GALNT13: variants seen among roughly 807,000 people sequenced by gnomAD.
GALNT13 encodes the protein UDP-GalNAc:polypeptide N-acetylgalactosaminyltransferase 13.
GALNT13 carries 28 observed loss-of-function variants against 64.2 expected under a neutral mutation model. The observed-to-expected ratio is 0.44, with a 90% CI of 0.32 to 0.60. The LOEUF is 0.60. GALNT13 is among the 20% of genes least tolerant of loss of function. The probability of loss-of-function intolerance (pLI) is 0.05; values close to 1 mark genes in which losing one functional copy is unlikely to be tolerated. For synonymous variants in GALNT13, 214 were observed against 224.6 expected, an observed-to-expected ratio of 0.95 and a Z score of 0.42; for missense variants, 577 against 669.8, an observed-to-expected ratio of 0.86 and a Z score of 1.53.
intron 11 of GALNT13, among the ~76,000 whole-genome samples, chr2:154,414,195 T>C (rs1376399285): frequency 6.6e-6 from 1 of 152,078 alleles, no homozygotes; most frequent in Non-Finnish European, 1.5e-5. Context: ...TAAGGTATAC[T>C]AACAAATTGT....
chr2:153,423,889 A>G, the GALNT13 span, among the ~76,000 whole-genome samples: 2 of 151,620 alleles, frequency 1.3e-5, no homozygotes, highest in Non-Finnish European at 3.0e-5. Context: ...TATCATTTTT[A>G]TGAAGCATGA....
At chr2:153,783,084 G>A in the GALNT13 span, among the ~76,000 whole-genome samples, 1 of 152,162 alleles carries the variant, frequency 6.6e-6, no homozygotes, top group Non-Finnish European at 1.5e-5. Context: ...AGGTAGAAGT[G>A]AATTCATCCA....
the GALNT13 span, among the ~76,000 whole-genome samples, chr2:153,114,226 G>A: frequency 6.6e-6 from 1 of 151,996 alleles, no homozygotes; most frequent in African/African-American, 2.4e-5. Context: ...CCATGATCTC[G>A]CTTGAACGTA....
chr2:153,867,327 T>C (rs11885780), upstream of GALNT13, among the ~76,000 whole-genome samples: 980 of 152,288 alleles, frequency 6.4e-3, 11 homozygotes, highest in African/African-American at 0.022. Flanking sequence ...GCTACACTAC[T>C]TGGCTACTTC....
chr2:153,410,983 C>T, the GALNT13 span, among the ~76,000 whole-genome samples: 2 of 151,746 alleles, frequency 1.3e-5, no homozygotes, highest in African/African-American at 4.8e-5. Context: ...CATCCTCTCA[C>T]CTCCCTGAGT....
At position 154,343,338 on chromosome 2, in the gene GALNT13, T is replaced by C. The variant is rs886981884; in HGVS notation, c.1156+41749T>C. On this transcript the variant is annotated intron_variant, in intron 9 of 12. Transcript: ENST00000392825. ...GGGAACAACTTAGTAAATATATATATTTGCTTATTCATAAACTTGTTTTAA... is the reference window on the plus strand; with the variant it reads ...GGGAACAACTTAGTAAATATATATACTTGCTTATTCATAAACTTGTTTTAA... 6.6e-5 allele frequency among the ~76,000 whole-genome samples: 10 copies of C among 152,198 alleles called. No individual in the cohort carries two copies. In the East Asian group the frequency reaches 1.9e-3, roughly 29 times the overall value.
the GALNT13 span, among the ~76,000 whole-genome samples, chr2:153,475,538 C>G: frequency 6.6e-6 from 1 of 152,176 alleles, no homozygotes; most frequent in Admixed American, 6.5e-5. Context: ...TCAACCTTGG[C>G]TCCTCTCTCA....
At chr2:153,312,094 C>T in the GALNT13 span, among the ~76,000 whole-genome samples, 5 of 152,174 alleles carry the variant, frequency 3.3e-5, no homozygotes, top group South Asian at 2.1e-4. Flanking sequence ...TTAAGGTCTT[C>T]CATGATGGTG....
At chr2:153,598,396 C>T in the GALNT13 span, among the ~76,000 whole-genome samples, 1 of 152,062 alleles carries the variant, frequency 6.6e-6, no homozygotes, top group Non-Finnish European at 1.5e-5. Context: ...ATGGCTCTGT[C>T]TCTCCCTTCA....
chr2:153,101,239 G>A, the GALNT13 span, among the ~76,000 whole-genome samples: 2 of 152,236 alleles, frequency 1.3e-5, no homozygotes, highest in East Asian at 3.9e-4. Context: ...TAGTGAGCTA[G>A]AGGGTAATAT....
the GALNT13 span, among the ~76,000 whole-genome samples, chr2:153,489,980 TAC>T: frequency 0.14 from 21,136 of 147,474 alleles, 1,758 homozygotes; most frequent in African/African-American, 0.25. Flanking sequence ...GGCCCTGTTT[TAC>T]ACACACACAC....
chr2:154,106,564 G>A (rs1311379678), intron 3 of GALNT13, among the ~76,000 whole-genome samples: 2 of 151,780 alleles, frequency 1.3e-5, no homozygotes, highest in Non-Finnish European at 2.9e-5. Flanking sequence ...ACCAGAGTGT[G>A]TTGATTATTA....
At chr2:153,526,922 C>A in the GALNT13 span, among the ~76,000 whole-genome samples, 1 of 152,064 alleles carries the variant, frequency 6.6e-6, no homozygotes, top group South Asian at 2.1e-4. Flanking sequence ...GCATCAGAGT[C>A]TTTTATTAGC....
At chr2:154,355,150 C>G (rs1452250734) in intron 9 of GALNT13, among the ~76,000 whole-genome samples, 1 of 152,082 alleles carries the variant, frequency 6.6e-6, no homozygotes, top group Admixed American at 6.6e-5. Context: ...CGCCCAGCCA[C>G]ATGTTTTTCT....
chr2:153,385,898 A>G, the GALNT13 span, among the ~76,000 whole-genome samples: 2 of 151,988 alleles, frequency 1.3e-5, no homozygotes, highest in African/African-American at 4.8e-5. Flanking sequence ...GATGTGAGAA[A>G]ATAAAGATAG....
intron 3 of GALNT13, among the ~76,000 whole-genome samples, chr2:154,003,053 G>T (rs1037810157): frequency 1.1e-4 from 16 of 152,112 alleles, no homozygotes; most frequent in African/African-American, 3.9e-4. Flanking sequence ...CCCAGCCAGG[G>T]TTTTGGGCCT....
At chr2:153,274,390 C>T in the GALNT13 span, among the ~76,000 whole-genome samples, 2 of 152,104 alleles carry the variant, frequency 1.3e-5, no homozygotes, top group Admixed American at 6.6e-5. Context: ...TGCACCACAA[C>T]ATTTTCTAGT....
chr2:154,264,626 G>A (rs1217401413), intron 8 of GALNT13, among the ~76,000 whole-genome samples: 1 of 151,984 alleles, frequency 6.6e-6, no homozygotes, highest in Non-Finnish European at 1.5e-5. Flanking sequence ...AACAGAGCGA[G>A]ACTCTGTCAA....
chr2:154,176,454 G>A (rs914819450), intron 4 of GALNT13, among the ~76,000 whole-genome samples: 13 of 151,486 alleles, frequency 8.6e-5, no homozygotes, highest in Non-Finnish European at 1.2e-4. Context: ...GGGTTTCACC[G>A]TGCTAGCCAG....
Sources: gnomAD v4.1 joint callset for allele counts (sites outside exome capture counted in the v4.1 genomes callset) on GRCh38, gnomAD v4.1.1 for gene constraint, MANE v1.5 for transcripts, NCBI Gene and HGNC (gene_info 2026-07-23, HGNC 2026-07-21) for gene names.